MSRB3: variants seen among roughly 807,000 people sequenced by gnomAD.
The protein encoded by MSRB3 is methionine sulfoxide reductase B3.
In MSRB3, 13 loss-of-function variants were observed where a neutral mutation model predicts 21.0. The ratio of observed to expected loss-of-function variants is 0.62; its 90% CI spans 0.40 to 0.98. MSRB3 has a LOEUF of 0.98. Ranked by LOEUF, MSRB3 falls within the 50% of genes least tolerant of loss-of-function variation. The pLI, the probability that MSRB3 is intolerant of heterozygous loss-of-function variation, is 0.00. For synonymous variants in MSRB3, 87 were observed against 88.6 expected (o/e 0.98, Z 0.10); for missense variants, 199 against 230.3 (o/e 0.86, Z 0.88).
chr12:65,304,046 T>G (rs1242068648), intron 1 of MSRB3, among the ~76,000 whole-genome samples: 1 of 152,060 alleles, frequency 6.6e-6, no homozygotes, highest in Non-Finnish European at 1.5e-5. Flanking sequence ...GTTTAGGAAT[T>G]TGGGCTTTAT....
chr12:65,303,124 G>A (rs1434424778), intron 1 of MSRB3, among the ~76,000 whole-genome samples: 2 of 152,016 alleles, frequency 1.3e-5, no homozygotes, highest in South Asian at 2.1e-4. Flanking sequence ...AACCACTGAT[G>A]TAGACATTCC....
chr12:65,434,655 G>A (rs1882037965), intron 5 of MSRB3, among the ~76,000 whole-genome samples: 2 of 151,828 alleles, frequency 1.3e-5, no homozygotes, highest in Non-Finnish European at 2.9e-5. Context: ...CTTGGCATAT[G>A]GATGCAACAA....
At chr12:65,295,259 T>C (rs1311503576) in intron 1 of MSRB3, among the ~76,000 whole-genome samples, 1 of 152,232 alleles carries the variant, frequency 6.6e-6, no homozygotes, top group Non-Finnish European at 1.5e-5. Context: ...GCAGTAGCAT[T>C]TGACTCTTTT....
rs895124837 is a variant in MSRB3, at chr12:65,463,842, T to C, written c.*520T>C. The C allele has an allele frequency of 1.9e-5, 3 of 158,102 alleles. No homozygotes were observed. Among genetic ancestry groups the C allele is most frequent in the Non-Finnish European group, 4.2e-5 (3 of 71,676 alleles). The allele number at this position is 158,102 out of a possible 1,614,324, so 9.8% of individuals were successfully genotyped here. A position where few individuals can be genotyped will look rare whatever the true frequency, so the allele number is the denominator to read the frequency against. On this transcript the variant is annotated 3_prime_UTR_variant, in exon 7 of 7. Coordinates refer to ENST00000308259, the MANE Select transcript of MSRB3 (RefSeq NM_001031679.3). ...TTTGAGCTAAGGTCATTTTTTTTTT[T>C]CTCACTGAAAGGGTGTGAAGGTCTA... is the stretch of plus-strand genomic sequence containing the variant.
chr12:65,426,267 T>A (rs1428795084), intron 5 of MSRB3, among the ~76,000 whole-genome samples: 6 of 152,172 alleles, frequency 3.9e-5, no homozygotes, highest in African/African-American at 1.4e-4. Context: ...ACTTAGCTTT[T>A]GCTTATCTAG....
At chr12:65,430,684 A>G (rs1881833291) in intron 5 of MSRB3, among the ~76,000 whole-genome samples, 1 of 152,084 alleles carries the variant, frequency 6.6e-6, no homozygotes, top group South Asian at 2.1e-4. Flanking sequence ...TTACGTTGGC[A>G]TCTGTCTTAA....
At chr12:65,430,466 TA>T (rs1446798239) in intron 5 of MSRB3, among the ~76,000 whole-genome samples, 1 of 152,186 alleles carries the variant, frequency 6.6e-6, no homozygotes, top group Non-Finnish European at 1.5e-5. Context: ...AGCCTGTTAC[TA>T]GAAAAGAATT....
chr12:65,444,790 T>C (rs1037403577), intron 5 of MSRB3, among the ~76,000 whole-genome samples: 1 of 152,204 alleles, frequency 6.6e-6, no homozygotes, highest in Non-Finnish European at 1.5e-5. Context: ...CCTTAAGCAA[T>C]TTTCTCCTTT....
Position 65,345,106 on chromosome 12 carries a change from G to T in MSRB3, c.263+16503G>T, listed in dbSNP as rs960191469. Among the ~76,000 whole-genome samples, 7 of 152,110 alleles carry T rather than the reference G, an allele frequency of 4.6e-5. No homozygotes were observed. The East Asian group carries it at 9.7e-4, about 21-fold the overall frequency. ...TGTCTGAATGCGAGATTGGTGAAAA[G>T]CTATTCCTAAAGATTAATTTGATGT... On this transcript the variant is annotated intron_variant, in intron 4 of 6. Coordinates refer to ENST00000308259, the MANE Select transcript of MSRB3 (RefSeq NM_001031679.3).
chr12:65,394,876 A>G (rs1051625453), intron 5 of MSRB3, among the ~76,000 whole-genome samples: 11 of 152,220 alleles, frequency 7.2e-5, no homozygotes, highest in Non-Finnish European at 1.5e-4. Context: ...ATCTTTCATG[A>G]TAAACACACT....
chr12:65,317,854 T>C (rs1874400161), intron 2 of MSRB3, among the ~76,000 whole-genome samples: 1 of 152,196 alleles, frequency 6.6e-6, no homozygotes, highest in African/African-American at 2.4e-5. Context: ...TTAGAAAACA[T>C]CTTTTAGAAA....
chr12:65,399,048 C>A (rs966717298), intron 5 of MSRB3, among the ~76,000 whole-genome samples: 2 of 152,138 alleles, frequency 1.3e-5, no homozygotes, highest in African/African-American at 4.8e-5. Flanking sequence ...TGTGATGCCT[C>A]CAGCTTTGTT....
intron 1 of MSRB3, among the ~76,000 whole-genome samples, chr12:65,299,160 T>G (rs776531527): frequency 1.3e-5 from 2 of 152,202 alleles, no homozygotes; most frequent in Non-Finnish European, 2.9e-5. Flanking sequence ...GTTAATATAG[T>G]TATAGTGCTA....
In MSRB3 at chr12:65,463,341, A is replaced by C. The variant is rs1324721525; in HGVS notation, c.*19A>C. On this transcript the variant is annotated 3_prime_UTR_variant, in exon 7 of 7. Transcript: ENST00000308259. Reference sequence around the variant, plus strand: ...GCTCTAGAGTAATGGAGAGTGATGGAAACAAAGTGTACTTAATGCACAGCT... The same window carrying C: ...GCTCTAGAGTAATGGAGAGTGATGGCAACAAAGTGTACTTAATGCACAGCT... 6.2e-7 allele frequency: 1 copy of C among 1,614,074 alleles called. No homozygotes were observed. Among genetic ancestry groups the C allele is most frequent in the South Asian group, 1.1e-5 (1 of 91,064 alleles).
chr12:65,388,260 CAATG>C (rs1565868106), intron 5 of MSRB3, among the ~76,000 whole-genome samples: 1 of 151,826 alleles, frequency 6.6e-6, no homozygotes, highest in East Asian at 1.9e-4. Flanking sequence ...GTGTTTGGGC[CAATG>C]AATGAGAAAA....
intron 2 of MSRB3, among the ~76,000 whole-genome samples, chr12:65,319,032 A>T (rs1324429323): frequency 1.3e-5 from 2 of 152,202 alleles, no homozygotes; most frequent in African/African-American, 4.8e-5. Flanking sequence ...CAACAAGAAA[A>T]TAATGTAGCT....
chr12:65,285,467 T>C (rs984681239), intron 1 of MSRB3: 7 of 152,188 alleles, frequency 4.6e-5, no homozygotes, highest in African/African-American at 1.4e-4. Context: ...TGAGAGGGCT[T>C]TATTTACACG....
At chr12:65,411,829 T>C (rs1429821716) in intron 5 of MSRB3, among the ~76,000 whole-genome samples, 1 of 149,912 alleles carries the variant, frequency 6.7e-6, no homozygotes, top group Non-Finnish European at 1.5e-5. Flanking sequence ...TATATAGATT[T>C]ATTTAATATT....
At chr12:65,292,672 T>C (rs1312287710) in intron 1 of MSRB3, among the ~76,000 whole-genome samples, 1 of 152,026 alleles carries the variant, frequency 6.6e-6, no homozygotes, top group Non-Finnish European at 1.5e-5. Flanking sequence ...ACTGTCCACA[T>C]CTACCGCTCA....
Sources: gnomAD v4.1 joint callset for allele counts (sites outside exome capture counted in the v4.1 genomes callset) on GRCh38, gnomAD v4.1.1 for gene constraint, MANE v1.5 for transcripts, NCBI Gene and HGNC (gene_info 2026-07-23, HGNC 2026-07-21) for gene names.